SYN3: variants seen among roughly 807,000 people sequenced by gnomAD.
SYN3 encodes the protein synapsin-3.
A neutral mutation model predicts 65.8 loss-of-function variants in SYN3; 35 were observed. The observed-to-expected ratio is 0.53, with a 90% CI of 0.41 to 0.70. The LOEUF is 0.70. Ranked by LOEUF, SYN3 falls within the 30% of genes least tolerant of loss-of-function variation. The pLI is 0.00. For missense variants in SYN3, 680 were observed against 749.0 expected, an observed-to-expected ratio of 0.91 and a Z score of 1.08; for synonymous variants, 270 against 292.9, an observed-to-expected ratio of 0.92 and a Z score of 0.80.
rs189140596 is a variant in SYN3 at position 32,993,394 on chromosome 22, C to T, written c.312-12692G>A. Among the ~76,000 whole-genome samples, 234 of 152,294 alleles carry T rather than the reference C, an allele frequency of 1.5e-3. 1 individual carries two copies. Among genetic ancestry groups the T allele is most frequent in the African/African-American group, 5.1e-3 (213 of 41,562 alleles). ...GTTTTGAGATGGAGTCTTGCTCTGT[C>T]GCCCAGGCTGGATTGCAGTGGCGCG... On this transcript the variant is annotated intron_variant, in intron 2 of 13. Transcript: ENST00000358763.
intron 1 of SYN3, among the ~76,000 whole-genome samples, chr22:33,009,377 A>G (rs368232223): frequency 6.6e-6 from 1 of 152,166 alleles, no homozygotes; most frequent in African/African-American, 2.4e-5. Context: ...ATGACATTGA[A>G]CAAGTTTCAT....
At chr22:32,822,063 G>A (rs1334383007) in intron 6 of SYN3, among the ~76,000 whole-genome samples, 1 of 150,822 alleles carries the variant, frequency 6.6e-6, no homozygotes, top group Non-Finnish European at 1.5e-5. Context: ...GCTGAGGCAG[G>A]AGAATTGCTT....
chr22:33,052,052 AC>A (rs2054175995), intron 1 of SYN3, among the ~76,000 whole-genome samples: 1 of 152,208 alleles, frequency 6.6e-6, no homozygotes, highest in Admixed American at 6.5e-5. Flanking sequence ...CACATCGTGC[AC>A]TTTGGCAAAC....
At chr22:32,576,517 G>A (rs545729913) in intron 7 of SYN3, among the ~76,000 whole-genome samples, 2 of 152,218 alleles carry the variant, frequency 1.3e-5, no homozygotes, top group South Asian at 2.1e-4. Flanking sequence ...ACTATTTTCC[G>A]TAAGGTATTT....
At chr22:32,683,606 C>T (rs1284386418) in intron 6 of SYN3, among the ~76,000 whole-genome samples, 1 of 152,128 alleles carries the variant, frequency 6.6e-6, no homozygotes, top group Non-Finnish European at 1.5e-5. Flanking sequence ...TGTGTCACTC[C>T]AGTCTCTGCC....
At chr22:33,012,694 G>T (rs2053377730) in intron 1 of SYN3, among the ~76,000 whole-genome samples, 1 of 152,196 alleles carries the variant, frequency 6.6e-6, no homozygotes, top group South Asian at 2.1e-4. Flanking sequence ...TGATTTTAGT[G>T]GGCACATGGA....
In SYN3 at chr22:32,980,667, T is replaced by C. The variant is rs780646859; in HGVS notation, c.347A>G (p.Glu116Gly). ...TACCTGCTCCACTCGGATCTCAATCTCTCCATTCACCTTCTTCCCATGGAA... is the reference window on the plus strand; with the variant it reads ...TACCTGCTCCACTCGGATCTCAATCCCTCCATTCACCTTCTTCCCATGGAA... ...KYFHGKKVNG[E>G]IEIRVEQAEF... The change falls in exon 3 of 14, where the codon GAG becomes GGG. Residue 116 changes from glutamate (E) to glycine (G), a missense_variant. Physicochemically the swap from Glu to Gly is moderately conservative, Grantham distance 98 (BLOSUM62 -2). Transcript: ENST00000358763. The C allele has an allele frequency of 8.1e-6, 13 of 1,613,946 alleles. No individual in the cohort carries two copies. The South Asian group carries it at 1.4e-4, about 18-fold the overall frequency.
chr22:32,701,167 T>A (rs1449310927), intron 6 of SYN3, among the ~76,000 whole-genome samples: 1 of 152,340 alleles, frequency 6.6e-6, no homozygotes, highest in African/African-American at 2.4e-5. Context: ...ATAAGACTGA[T>A]TTTTAAAGAA....
intron 4 of SYN3, among the ~76,000 whole-genome samples, chr22:32,925,517 A>C (rs1372449430): frequency 2.0e-5 from 3 of 152,230 alleles, no homozygotes; most frequent in Non-Finnish European, 4.4e-5. Flanking sequence ...TTATTTTTGT[A>C]AACAATGTTG....
chr22:32,526,601 C>T (rs1345291993), intron 12 of SYN3, among the ~76,000 whole-genome samples: 11 of 152,004 alleles, frequency 7.2e-5, no homozygotes, highest in African/African-American at 2.7e-4. Flanking sequence ...CTGCAACCTC[C>T]GCCTCCTGGG....
intron 4 of SYN3, among the ~76,000 whole-genome samples, chr22:32,916,114 G>A (rs1378283739): frequency 6.6e-6 from 1 of 152,208 alleles, no homozygotes; most frequent in Non-Finnish European, 1.5e-5. Flanking sequence ...CCACATGGCT[G>A]TGAGGAAGCT....
At chr22:32,870,991 CA>C (rs919632608) in intron 4 of SYN3, among the ~76,000 whole-genome samples, 3 of 152,156 alleles carry the variant, frequency 2.0e-5, no homozygotes, top group African/African-American at 7.2e-5. Flanking sequence ...TCTTAAAAAA[CA>C]ACACATAAAT....
intron 6 of SYN3, among the ~76,000 whole-genome samples, chr22:32,823,403 T>C (rs2047310950): frequency 6.6e-6 from 1 of 152,104 alleles, no homozygotes; most frequent in African/African-American, 2.4e-5. Context: ...CTCTCTTAAA[T>C]AGATGAGCTA....
chr22:32,918,439 A>G (rs1022522104), intron 4 of SYN3, among the ~76,000 whole-genome samples: 5 of 152,244 alleles, frequency 3.3e-5, no homozygotes, highest in Non-Finnish European at 5.9e-5. Flanking sequence ...GTGGGAACAA[A>G]GCAATCTTTC....
chr22:32,636,479 T>C (rs2146850561), intron 6 of SYN3, among the ~76,000 whole-genome samples: 1 of 151,634 alleles, frequency 6.6e-6, no homozygotes, highest in Non-Finnish European at 1.5e-5. Flanking sequence ...TCACCAGTCA[T>C]TGGTAAAAGA....
At chr22:33,034,436 C>A (rs957367019) in intron 1 of SYN3, among the ~76,000 whole-genome samples, 1 of 151,682 alleles carries the variant, frequency 6.6e-6, no homozygotes, top group Non-Finnish European at 1.5e-5. Context: ...TTAGTAGAGA[C>A]GGGGTTTCAC....
chr22:32,709,368 C>T (rs894034515), intron 6 of SYN3, among the ~76,000 whole-genome samples: 3 of 152,130 alleles, frequency 2.0e-5, no homozygotes, highest in South Asian at 2.1e-4. Context: ...TTTCTATAAA[C>T]GTAATACAGA....
chr22:32,760,711 G>A (rs1201416740), intron 6 of SYN3, among the ~76,000 whole-genome samples: 1 of 152,196 alleles, frequency 6.6e-6, no homozygotes, highest in Non-Finnish European at 1.5e-5. Context: ...CTGGTTCAGA[G>A]GGGCGGTGTA....
rs1791696944 is a variant in SYN3, at chr22:32,801,955, C to CT, written c.711+62959dup. ...GCCCCGCCGGCGGCGCGCACGGCAA[C>CT]TTTGGAGAGGCGAGCAGCAGCCCCG... is the stretch of plus-strand genomic sequence containing the variant. On this transcript the variant is annotated intron_variant, in intron 6 of 13. Transcript: ENST00000358763. The surrounding 1 kb of genome is among the most constrained non-coding windows in gnomAD (Gnocchi z 4.7). 1 of 1,564,752 alleles carries CT rather than the reference C, an allele frequency of 6.4e-7. No individual in the cohort carries two copies. Among genetic ancestry groups the CT allele is most frequent in the Non-Finnish European group, 8.6e-7 (1 of 1,164,096 alleles).
Sources: allele counts gnomAD v4.1 joint callset (sites outside exome capture counted in the v4.1 genomes callset), GRCh38; gene constraint gnomAD v4.1.1; non-coding constraint Gnocchi (gnomAD v3.1); transcripts MANE v1.5; gene names NCBI Gene and HGNC (gene_info 2026-07-23, HGNC 2026-07-21).